KIAA0319L: variants seen among roughly 807,000 people sequenced by gnomAD.
KIAA0319L encodes dyslexia-associated protein KIAA0319-like protein.
A neutral mutation model predicts 120.1 loss-of-function variants in KIAA0319L; 55 were observed. That is an observed-to-expected ratio of 0.46 (90% CI 0.37 to 0.57). The LOEUF (loss-of-function observed/expected upper bound fraction) is 0.57, where lower values mean the gene tolerates loss of function less well. KIAA0319L is among the 20% of genes least tolerant of loss of function. KIAA0319L has a pLI of 0.00. For synonymous variants in KIAA0319L, 398 were observed against 471.9 expected (o/e 0.84, Z 2.03); for missense variants, 1,049 against 1,255.3 (o/e 0.84, Z 2.48).
chr1:35,461,972 A>G (rs142058264), intron 8 of KIAA0319L, among the ~76,000 whole-genome samples: 118 of 152,290 alleles, frequency 7.7e-4, no homozygotes, highest in African/African-American at 1.9e-3. Context: ...ACCGGTCTCA[A>G]AAAATCAAAA....
rs551384053 is a variant in KIAA0319L at position 35,437,366 on chromosome 1, C to T, written c.2963-2285G>A. The stretch of plus-strand genomic sequence containing the variant: ...CCTCAGTCAGGAAGCACCTCTCCAA[C>T]GCACCACTCCTCTACCTGCATTCGA... On this transcript the variant is annotated intron_variant, in intron 20 of 20. Coordinates refer to ENST00000325722, the MANE Select transcript of KIAA0319L (RefSeq NM_024874.5). The surrounding 1 kb of genome is among the most constrained non-coding windows in gnomAD (Gnocchi z 4.1). 4.7e-4 allele frequency among the ~76,000 whole-genome samples: 71 copies of T among 152,284 alleles called. No individual in the cohort carries two copies. The highest frequency in any genetic ancestry group is 1.6e-3 in the African/African-American group (66 of 41,568).
In KIAA0319L at chr1:35,434,248, C is replaced by T. The variant is rs1640619234; in HGVS notation, c.*646G>A. On this transcript the variant is annotated 3_prime_UTR_variant, in exon 21 of 21. Transcript: ENST00000325722. The stretch of plus-strand genomic sequence containing the variant: ...TACAGGCATACGCCACCAAACCCGG[C>T]TAATTTTTTTTTTTATTTTTAGTAG... The T allele has an allele frequency of 6.6e-6, 1 of 152,132 alleles. No individual in the cohort carries two copies. The highest frequency in any genetic ancestry group is 2.4e-5 in the African/African-American group (1 of 41,392). The allele number at this position is 152,132 out of a possible 1,614,324, so 9.4% of individuals were successfully genotyped here.
chr1:35,515,030 A>T (rs537601535), intron 2 of KIAA0319L, among the ~76,000 whole-genome samples: 1 of 152,222 alleles, frequency 6.6e-6, no homozygotes, highest in East Asian at 1.9e-4. Flanking sequence ...ACCAAAACTA[A>T]GGCCGGGTGC....
chr1:35,511,179 G>T, intron 2 of KIAA0319L: 1 of 153,946 alleles, frequency 6.5e-6, no homozygotes. Flanking sequence ...AACTCATAGT[G>T]GAAATAAACC....
At chr1:35,458,347 C>T (rs753515139) in intron 9 of KIAA0319L, among the ~76,000 whole-genome samples, 21 of 152,200 alleles carry the variant, frequency 1.4e-4, no homozygotes, top group Non-Finnish European at 2.9e-5. Flanking sequence ...CAAACAGTCC[C>T]TGGCTTGCCT....
intron 16 of KIAA0319L, among the ~76,000 whole-genome samples, 163 bp downstream of exon 16, chr1:35,448,010 C>T (rs911786934): frequency 2.0e-5 from 3 of 152,192 alleles, no homozygotes; most frequent in African/African-American, 7.2e-5. Context: ...CAGCGCATGT[C>T]ACCTGCACTA....
chr1:35,507,002 G>A lies in KIAA0319L; in HGVS notation c.276C>T (p.Asp92=). Residue 92 remains aspartate (D), a synonymous_variant, in exon 3 of 21, where the codon GAC becomes GAT. Transcript: ENST00000325722. Reference sequence around the variant, plus strand: ...GCCACCAAAAGACATGGCAGGCAGAGTCCTGGCAGCAGGCAGCCCAACATG... The same window carrying A: ...GCCACCAAAAGACATGGCAGGCAGAATCCTGGCAGCAGGCAGCCCAACATG... ...LQSCWAACCQ[D]SACHVFWWLE... is the part of the protein sequence containing the mutation. 6.2e-7 allele frequency: 1 copy of A among 1,613,196 alleles called. No homozygotes were observed. Among genetic ancestry groups the A allele is most frequent in the African/African-American group, 1.3e-5 (1 of 75,066 alleles).
intron 2 of KIAA0319L, among the ~76,000 whole-genome samples, chr1:35,534,858 CAAA>C (rs779838672): frequency 9.4e-5 from 4 of 42,616 alleles, no homozygotes; most frequent in African/African-American, 2.0e-4. Flanking sequence ...GACTCCGTCT[CAAA>C]AAAAAAAAAA....
intron 3 of KIAA0319L, among the ~76,000 whole-genome samples, chr1:35,496,639 A>G (rs888109474): frequency 4.6e-5 from 7 of 152,060 alleles, no homozygotes; most frequent in African/African-American, 1.7e-4. Flanking sequence ...CTACTTAGGA[A>G]TTTTCAAAAG....
Position 35,439,576 on chromosome 1 carries a change from G to A in KIAA0319L, c.2962+1471C>T, listed in dbSNP as rs182137178. 53 of 152,338 alleles carry A rather than the reference G, an allele frequency of 3.5e-4. No individual in the cohort carries two copies. The East Asian group carries it at 6.8e-3, about 19-fold the overall frequency. 9.4% of individuals were successfully genotyped at this position (152,338 alleles called of 1,614,324 possible). A position where few individuals can be genotyped will look rare whatever the true frequency, so the allele number is the denominator to read the frequency against. On this transcript the variant is annotated intron_variant, in intron 20 of 20. Transcript: ENST00000325722. ...ATCATGAGACAGCGAGAGAAATGCC[G>A]ACCCAGGCATGTGAGAGAAAGGTGA...
intron 3 of KIAA0319L, among the ~76,000 whole-genome samples, chr1:35,491,753 A>AAGAGCC (rs1481326565): frequency 4.6e-5 from 7 of 152,228 alleles, no homozygotes; most frequent in South Asian, 2.1e-4. Flanking sequence ...ATGAGACAGC[A>AAGAGCC]AGAGCCAGAG....
intron 2 of KIAA0319L, among the ~76,000 whole-genome samples, chr1:35,521,711 G>T (rs947798792): frequency 2.6e-5 from 4 of 151,712 alleles, no homozygotes; most frequent in South Asian, 2.1e-4. Context: ...GGTGGCTCAC[G>T]CCTGTAATCC....
chr1:35,461,616 A>G (rs911854776), intron 8 of KIAA0319L, among the ~76,000 whole-genome samples: 1 of 152,264 alleles, frequency 6.6e-6, no homozygotes, highest in Non-Finnish European at 1.5e-5. Context: ...AGGATTCATA[A>G]AATAATAACA....
chr1:35,551,462 T>C (rs554456992), intron 2 of KIAA0319L, among the ~76,000 whole-genome samples: 1 of 152,056 alleles, frequency 6.6e-6, no homozygotes, highest in African/African-American at 2.4e-5. Flanking sequence ...GGATTACATG[T>C]GCATGCCATC....
intron 2 of KIAA0319L, among the ~76,000 whole-genome samples, chr1:35,546,564 T>C (rs1317769809): frequency 6.6e-6 from 1 of 152,234 alleles, no homozygotes; most frequent in East Asian, 1.9e-4. Flanking sequence ...GACAGCAATC[T>C]TTCACGAAGA....
chr1:35,484,499 C>A (rs1053567934), intron 3 of KIAA0319L, among the ~76,000 whole-genome samples: 2 of 152,166 alleles, frequency 1.3e-5, no homozygotes, highest in African/African-American at 4.8e-5. Flanking sequence ...TTATATCCTG[C>A]AATCTTGCTA....
intron 2 of KIAA0319L, among the ~76,000 whole-genome samples, chr1:35,523,503 T>C (rs926469074): frequency 1.8e-4 from 27 of 152,170 alleles, no homozygotes; most frequent in Admixed American, 1.8e-3. Context: ...AGGTATCAGG[T>C]GGGTCATACT....
intron 17 of KIAA0319L, among the ~76,000 whole-genome samples, chr1:35,443,876 T>C (rs922533164): frequency 2.6e-5 from 4 of 152,178 alleles, no homozygotes; most frequent in South Asian, 2.1e-4. Context: ...ACATTGATCA[T>C]TGAAGTAAAC....
chr1:35,458,798 C>A (rs1253723737), intron 9 of KIAA0319L, among the ~76,000 whole-genome samples: 1 of 152,164 alleles, frequency 6.6e-6, no homozygotes, highest in African/African-American at 2.4e-5. Context: ...CAACCTGGCC[C>A]AAGCTGAATT....
Sources: gnomAD v4.1 joint callset for allele counts (sites outside exome capture counted in the v4.1 genomes callset) on GRCh38, gnomAD v4.1.1 for gene constraint, Gnocchi (gnomAD v3.1) non-coding constraint, MANE v1.5 for transcripts, NCBI Gene and HGNC (gene_info 2026-07-23, HGNC 2026-07-21) for gene names.